Variants in ACYP2 observed in about 807,000 individuals in gnomAD.
ACYP2 encodes the protein acylphosphatase-2.
A neutral mutation model predicts 11.2 loss-of-function variants in ACYP2; 12 were observed. The observed-to-expected ratio is 1.08, with a 90% CI of 0.69 to 1.74. The LOEUF is 1.74. ACYP2 is among the 40% of genes most tolerant of loss of function. The probability of loss-of-function intolerance (pLI) is 0.00; values close to 1 mark genes in which losing one functional copy is unlikely to be tolerated. For synonymous variants in ACYP2, 43 were observed against 32.2 expected, an observed-to-expected ratio of 1.33 and a Z score of -1.13; for missense variants, 134 against 101.9, an observed-to-expected ratio of 1.31 and a Z score of -1.35.
intron 6 of ACYP2, chr2:54,254,002 A>C (rs184689054): frequency 2.0e-5 from 3 of 152,292 alleles, no homozygotes; most frequent in Admixed American, 1.3e-4. Context: ...GAAAGTGTAC[A>C]CTCACTCTGG....
intron 6 of ACYP2, among the ~76,000 whole-genome samples, chr2:54,160,549 C>G (rs527416784): frequency 1.3e-5 from 2 of 152,322 alleles, no homozygotes; most frequent in African/African-American, 4.8e-5. Flanking sequence ...GTGCCTTGCA[C>G]AGTACCTGGC....
At chr2:54,035,418 G>A (rs539360372) in intron 2 of ACYP2, among the ~76,000 whole-genome samples, 1 of 151,562 alleles carries the variant, frequency 6.6e-6, no homozygotes, top group Non-Finnish European at 1.5e-5. Context: ...GGCGCCCGCC[G>A]TCATCCCTGG....
intron 6 of ACYP2, among the ~76,000 whole-genome samples, chr2:54,269,911 CTA>C (rs1688207164): frequency 6.6e-6 from 1 of 152,066 alleles, no homozygotes; most frequent in African/African-American, 2.4e-5. Flanking sequence ...ATTCTAATGA[CTA>C]TATAACAGTC....
At chr2:54,115,538 T>C (rs1012208498) in intron 4 of ACYP2, 77 bp from the exon 1 acceptor site, 14 of 1,507,650 alleles carry the variant, frequency 9.3e-6, no homozygotes, top group African/African-American at 8.5e-5. Context: ...GCAGTCTCAT[T>C]TGCCGCTTCC....
intron 2 of ACYP2, among the ~76,000 whole-genome samples, chr2:54,011,692 A>C (rs988692706): frequency 1.3e-5 from 2 of 152,058 alleles, no homozygotes; most frequent in African/African-American, 2.4e-5. Context: ...ATTGGGACAC[A>C]TCAGTGTATT....
intron 6 of ACYP2, among the ~76,000 whole-genome samples, chr2:54,173,655 G>C (rs1349821749): frequency 2.0e-5 from 3 of 152,066 alleles, no homozygotes; most frequent in Admixed American, 6.6e-5. Context: ...TTTTTTTCTA[G>C]GGTTTTATGG....
At chr2:54,241,243 A>G (rs560826208) in intron 6 of ACYP2, among the ~76,000 whole-genome samples, 38 of 152,344 alleles carry the variant, frequency 2.5e-4, no homozygotes, top group Non-Finnish European at 2.1e-4. Context: ...ATCATGGGAA[A>G]CTATTTATAA....
intron 2 of ACYP2, among the ~76,000 whole-genome samples, chr2:54,039,284 T>C (rs1234820934): frequency 2.6e-5 from 4 of 152,076 alleles, no homozygotes; most frequent in African/African-American, 9.6e-5. Flanking sequence ...CTTCTCTTTT[T>C]TTCTTTTTCC....
chr2:53,976,654 C>T (rs941974345), intron 2 of ACYP2, among the ~76,000 whole-genome samples: 10 of 152,138 alleles, frequency 6.6e-5, no homozygotes, highest in African/African-American at 1.7e-4. Flanking sequence ...AATATTAGAT[C>T]TGAGAAATGT....
Position 54,003,239 on chromosome 2 carries a change from C to T in ACYP2, c.62+29429C>T, listed in dbSNP as rs1041274339. Among the ~76,000 whole-genome samples the T allele has an allele frequency of 5.3e-5, 8 of 151,320 alleles. No individual in the cohort carries two copies. In the East Asian group the frequency reaches 5.9e-4, roughly 11 times the overall value. On this transcript the variant is annotated intron_variant, in intron 2 of 6. Coordinates refer to ENST00000607452, the MANE Select transcript of ACYP2 (RefSeq NM_001320586.2). ...ATGGGATTACAGGTGTGAGCCAGTG[C>T]GCCCAGCCGAGCTCGCTTATTTATT...
chr2:54,202,008 C>A (rs1224852965), intron 6 of ACYP2, among the ~76,000 whole-genome samples: 4 of 139,428 alleles, frequency 2.9e-5, no homozygotes, highest in African/African-American at 1.1e-4. Context: ...GTGCCTGGCC[C>A]ACTTATTTTT....
At chr2:54,037,581 A>T (rs539292149) in intron 2 of ACYP2, among the ~76,000 whole-genome samples, 1 of 151,244 alleles carries the variant, frequency 6.6e-6, no homozygotes, top group Non-Finnish European at 1.5e-5. Context: ...TTAACTTTTA[A>T]ATTTTTTGTA....
Position 54,305,008 on chromosome 2 carries a change from T to C in ACYP2, c.*206T>C, listed in dbSNP as rs1689865488. The C allele has an allele frequency of 1.7e-5, 6 of 362,294 alleles. No individual in the cohort carries two copies. In the Admixed American group the frequency reaches 2.6e-4, roughly 16 times the overall value. 22.4% of individuals were successfully genotyped at this position (362,294 alleles called of 1,614,324 possible). The stretch of plus-strand genomic sequence containing the variant: ...CAAGCAAAAATATAGTATTCTAAGA[T>C]TAAAATGTCATTACAAAATATTTAG... On this transcript the variant is annotated 3_prime_UTR_variant, in exon 7 of 7. Transcript: ENST00000607452.
chr2:53,988,929 A>G (rs969332153), intron 2 of ACYP2, among the ~76,000 whole-genome samples: 3 of 150,160 alleles, frequency 2.0e-5, no homozygotes, highest in Non-Finnish European at 4.4e-5. Context: ...TTGCATTTTT[A>G]GTAGAGACGG....
chr2:54,249,783 AAAAT>A lies in ACYP2; in HGVS notation c.405-54896_405-54893del, dbSNP rs1052491025. Among the ~76,000 whole-genome samples, 84 of 152,042 alleles carry A rather than the reference AAAAT, an allele frequency of 5.5e-4. 1 individual carries two copies. The highest frequency in any genetic ancestry group is 1.9e-3 in the African/African-American group (77 of 41,470). On this transcript the variant is annotated intron_variant, in intron 6 of 6. Transcript: ENST00000607452. The stretch of plus-strand genomic sequence containing the variant: ...CAGTGAGACCTTATCACTACCAGAA[AAAAT>A]AAATAAATTAGCTGGGCATGGTGGC...
chr2:53,975,341 C>T (rs79700734), intron 2 of ACYP2: 11,484 of 398,392 alleles, frequency 0.029, 221 homozygotes, highest in Non-Finnish European at 0.039. Context: ...AAGGTCTCTT[C>T]CTCTTATTCT....
intron 6 of ACYP2, among the ~76,000 whole-genome samples, chr2:54,212,703 T>A (rs1002078302): frequency 6.6e-6 from 1 of 152,242 alleles, no homozygotes; most frequent in African/African-American, 2.4e-5. Flanking sequence ...GTCAGCAGAT[T>A]CCTTTTCTAA....
chr2:54,178,530 G>C (rs1683572288), intron 6 of ACYP2, among the ~76,000 whole-genome samples: 1 of 152,176 alleles, frequency 6.6e-6, no homozygotes, highest in African/African-American at 2.4e-5. Flanking sequence ...CCAGTTCAGG[G>C]CTCTTCATTA....
chr2:54,279,978 C>A (rs560178674), intron 6 of ACYP2, among the ~76,000 whole-genome samples: 1 of 152,162 alleles, frequency 6.6e-6, no homozygotes, highest in Non-Finnish European at 1.5e-5. Flanking sequence ...TTAAGATAAA[C>A]TTCAACTACA....
Sources: allele counts gnomAD v4.1 joint callset (sites outside exome capture counted in the v4.1 genomes callset), GRCh38; gene constraint gnomAD v4.1.1; transcripts MANE v1.5; gene names NCBI Gene and HGNC (gene_info 2026-07-23, HGNC 2026-07-21).